The following GLIS2 variants were observed in gnomAD, a reference collection of about 807,000 sequenced individuals.
GLIS2 encodes the protein zinc finger protein GLIS2.
In GLIS2, 14 loss-of-function variants were observed where a neutral mutation model predicts 35.6. That is an observed-to-expected ratio of 0.39 (90% CI 0.26 to 0.61). The LOEUF (loss-of-function observed/expected upper bound fraction) is 0.61. GLIS2 is among the 20% of genes least tolerant of loss of function. The pLI is 0.48. For missense variants in GLIS2, 675 were observed against 713.4 expected (o/e 0.95, Z 0.61); for synonymous variants, 368 against 325.1 (o/e 1.13, Z -1.42).
Position 4,320,571 on chromosome 16 carries a change from C to A in GLIS2, c.-67+4317C>A, listed in dbSNP as rs1282545039. 1.3e-5 allele frequency among the ~76,000 whole-genome samples: 2 copies of A among 152,172 alleles called. No homozygotes were observed. The highest frequency in any genetic ancestry group is 4.8e-5 in the African/African-American group (2 of 41,452). On this transcript the variant is annotated intron_variant, in intron 1 of 6. Coordinates refer to ENST00000433375, the MANE Select transcript of GLIS2 (RefSeq NM_032575.3). The surrounding 1 kb of genome is among the most constrained non-coding windows in gnomAD (Gnocchi z 5.6). ...GAATCCCCCCAGCTCCACTCCTGCC[C>A]CCCACGTCCACTGCAAGGGCATGAC...
chr16:4,319,655 C>T (rs767148105), intron 1 of GLIS2, among the ~76,000 whole-genome samples: 3 of 152,010 alleles, frequency 2.0e-5, no homozygotes, highest in Non-Finnish European at 4.4e-5. Context: ...TGGCTGGGGG[C>T]GGGGACTCCG....
At chr16:4,329,492 A>T (rs1017137162) in intron 1 of GLIS2, among the ~76,000 whole-genome samples, 2 of 152,156 alleles carry the variant, frequency 1.3e-5, no homozygotes, top group African/African-American at 4.8e-5. Flanking sequence ...CCCTGTGCTG[A>T]GACCCCCGTG....
intron 6 of GLIS2, 166 bp from the exon 7 acceptor site, chr16:4,336,559 C>T (rs1023660863): frequency 5.4e-6 from 4 of 739,948 alleles, no homozygotes; most frequent in Admixed American, 2.0e-5. Flanking sequence ...TGTGCCCTGC[C>T]TGGGGGCAGA....
intron 1 of GLIS2, among the ~76,000 whole-genome samples, chr16:4,317,222 C>T (rs2053323105): frequency 6.6e-6 from 1 of 152,174 alleles, no homozygotes; most frequent in Admixed American, 6.5e-5. Flanking sequence ...GGCCCCCAGC[C>T]ATCACAGCCC....
rs758801563 is a variant in GLIS2, at chr16:4,337,186, A to G, written c.1237A>G (p.Lys413Glu). 3 of 1,544,776 alleles carry G rather than the reference A, an allele frequency of 1.9e-6. No homozygotes were observed. Among genetic ancestry groups the G allele is most frequent in the Non-Finnish European group, 2.6e-6 (3 of 1,146,970 alleles). ...CCCCGTCCTGCCTCTCAATCTGGCCAAGAACCCGCTGCTGCCCTCGCCCTT... is the reference window on the plus strand; with the variant it reads ...CCCCGTCCTGCCTCTCAATCTGGCCGAGAACCCGCTGCTGCCCTCGCCCTT... ...PGPVLPLNLA[K>E]NPLLPSPFGA... is the part of the protein sequence containing the mutation. Residue 413 changes from lysine to glutamate, a missense_variant, in exon 7 of 7, where the codon AAG (lysine) becomes GAG (glutamate). Physicochemically the swap from Lys to Glu is moderately conservative, Grantham distance 56. Coordinates refer to ENST00000433375, the MANE Select transcript of GLIS2 (RefSeq NM_032575.3).
At chr16:4,334,587 T>G (rs2053530397) in intron 3 of GLIS2, among the ~76,000 whole-genome samples, 1 of 151,644 alleles carries the variant, frequency 6.6e-6, no homozygotes, top group Admixed American at 6.6e-5. Context: ...CACCAGTCAC[T>G]GGGTGTTGGG....
chr16:4,337,677 TGGCTGGCCTCCCAGCCCCCG>T lies in GLIS2; in HGVS notation c.*156_*175del, dbSNP rs1433955305. 7 of 1,144,814 alleles carry T rather than the reference TGGCTGGCCTCCCAGCCCCCG, an allele frequency of 6.1e-6. No homozygotes were observed. The highest frequency in any genetic ancestry group is 8.7e-6 in the Non-Finnish European group (7 of 800,140). 70.9% of individuals were successfully genotyped at this position (1,144,814 alleles called of 1,614,324 possible). A position where few individuals can be genotyped will look rare whatever the true frequency, so the allele number is the denominator to read the frequency against. Reference sequence around the variant, plus strand: ...AGCAAGGATGGTGCTAGGTCATTCATGGCTGGCCTCCCAGCCCCCGGGTGGGGACCTGGCCTGTCATGCAG... The same window carrying T: ...AGCAAGGATGGTGCTAGGTCATTCATGGTGGGGACCTGGCCTGTCATGCAG... On this transcript the variant is annotated 3_prime_UTR_variant, in exon 7 of 7. Transcript: ENST00000433375.
At chr16:4,317,887 A>G (rs1008634374) in intron 1 of GLIS2, among the ~76,000 whole-genome samples, 1 of 151,994 alleles carries the variant, frequency 6.6e-6, no homozygotes, top group Non-Finnish European at 1.5e-5. Context: ...CGGAGCTGCC[A>G]TTAGCGCTGA....
At chr16:4,326,498 CAA>C (rs1159269731) in intron 1 of GLIS2, 2 of 152,260 alleles carry the variant, frequency 1.3e-5, no homozygotes, top group Non-Finnish European at 1.5e-5. Context: ...CTTCCTTCTG[CAA>C]AGAGACCAAG....
In GLIS2 at chr16:4,316,635, G is replaced by A. The variant is rs182845999; in HGVS notation, c.-67+381G>A. ...GTACCCGGAGCCTGGGCATGAAGTT[G>A]TCCGGGGCAGCCGCCCCTCCTCTCG... is the stretch of plus-strand genomic sequence containing the variant. On this transcript the variant is annotated intron_variant, in intron 1 of 6. Transcript: ENST00000433375. Among the ~76,000 whole-genome samples the A allele has an allele frequency of 8.1e-3, 1,223 of 151,850 alleles. 18 individuals carry two copies. The highest frequency in any genetic ancestry group is 0.028 in the African/African-American group (1,162 of 41,422).
Position 4,335,433 on chromosome 16 carries a change from G to C in GLIS2, c.775+40G>C. 6.3e-7 allele frequency: 1 copy of C among 1,583,658 alleles called. No homozygotes were observed. The highest frequency in any genetic ancestry group is 1.3e-5 in the African/African-American group (1 of 74,470). On this transcript the variant is annotated intron_variant, in intron 6 of 6. Transcript: ENST00000433375. This position sits in a 1 kb window ranked among gnomAD's most constrained non-coding sequence, Gnocchi z 4.6. ...CCGGGCGGCTTGGCCCATGAAGGGGGCGCTCAGCTGAGACCGGCTGGGCAG... is the reference window on the plus strand; with the variant it reads ...CCGGGCGGCTTGGCCCATGAAGGGGCCGCTCAGCTGAGACCGGCTGGGCAG...
intron 1 of GLIS2, chr16:4,324,917 G>A (rs916390570): frequency 1.3e-5 from 2 of 152,362 alleles, no homozygotes; most frequent in Non-Finnish European, 1.5e-5. Context: ...GGTCAGGAAG[G>A]GGGGCCCTGA....
In GLIS2 at chr16:4,337,024, G is replaced by A. The variant is rs1291724620; in HGVS notation, c.1075G>A (p.Ala359Thr). Residue 359 changes from alanine (A) to threonine (T), a missense_variant, in exon 7 of 7, where the codon GCT becomes ACT. Transcript: ENST00000433375. ...SGAQIIIPNPAALFGGPGLPG... is the reference protein window; with the variant it reads ...SGAQIIIPNPTALFGGPGLPG... The stretch of plus-strand genomic sequence containing the variant: ...GGCCCAGATCATCATCCCCAACCCA[G>A]CTGCCCTCTTTGGAGGCCCTGGCCT... 4.4e-6 allele frequency: 7 copies of A among 1,600,152 alleles called. No homozygotes were observed. The highest frequency in any genetic ancestry group is 1.3e-5 in the African/African-American group (1 of 74,772).
upstream of GLIS2, among the ~76,000 whole-genome samples, chr16:4,315,859 C>G (rs867752643): frequency 6.5e-4 from 97 of 150,148 alleles, no homozygotes; most frequent in South Asian, 7.3e-3. Context: ...AGCTGGCGCC[C>G]CGGGCCTGGG....
intron 3 of GLIS2, 22 bp downstream of exon 3, chr16:4,333,541 GGAGA>G: frequency 6.3e-7 from 1 of 1,598,178 alleles, no homozygotes; most frequent in Non-Finnish European, 8.5e-7. Flanking sequence ...TGAGAGTTCC[GGAGA>G]GAGGGGTGGA....
At chr16:4,323,886 C>T (rs1477805654) in intron 1 of GLIS2, among the ~76,000 whole-genome samples, 3 of 152,182 alleles carry the variant, frequency 2.0e-5, no homozygotes, top group Admixed American at 2.0e-4. Context: ...GGACCATTGC[C>T]GTGGTGTCTG....
intron 1 of GLIS2, among the ~76,000 whole-genome samples, chr16:4,317,186 T>A (rs1482394949): frequency 1.3e-5 from 2 of 152,016 alleles, no homozygotes; most frequent in Non-Finnish European, 2.9e-5. Context: ...CCTGGGAAGC[T>A]GGAAGGGATG....
chr16:4,337,303 C>T lies in GLIS2; in HGVS notation c.1354C>T (p.Pro452Ser), dbSNP rs1396153474. The T allele has an allele frequency of 1.9e-6, 3 of 1,562,612 alleles. No individual in the cohort carries two copies. The highest frequency in any genetic ancestry group is 2.6e-6 in the Non-Finnish European group (3 of 1,155,442). ...AEGEKGRGSVPTRALGMEGHK... is the reference protein window; with the variant it reads ...AEGEKGRGSVSTRALGMEGHK... ...GGGGGAGAAGGGGCGTGGGTCGGTG[C>T]CCACCAGGGCCCTGGGCATGGAGGG... is the stretch of plus-strand genomic sequence containing the variant. Residue 452 changes from proline to serine, a missense_variant, in exon 7 of 7, where the codon CCC (proline) becomes TCC (serine). Pro to Ser is a moderately conservative substitution (Grantham distance 74, BLOSUM62 -1). Coordinates refer to ENST00000433375, the MANE Select transcript of GLIS2 (RefSeq NM_032575.3).
At chr16:4,322,628 C>CA (rs1246143056) in intron 1 of GLIS2, among the ~76,000 whole-genome samples, 5 of 152,072 alleles carry the variant, frequency 3.3e-5, no homozygotes, top group African/African-American at 7.2e-5. Context: ...GCAGCCCCCC[C>CA]CCTACACTGT....
Sources: gnomAD v4.1 joint callset for allele counts (sites outside exome capture counted in the v4.1 genomes callset) on GRCh38, gnomAD v4.1.1 for gene constraint, Gnocchi (gnomAD v3.1) non-coding constraint, MANE v1.5 for transcripts, NCBI Gene and HGNC (gene_info 2026-07-23, HGNC 2026-07-21) for gene names.